Variants in LRRIQ3 observed in about 807,000 individuals in gnomAD.
The protein encoded by LRRIQ3 is leucine rich repeats and IQ motif containing 3, also known as leucine-rich repeat and IQ domain-containing protein 3.
A neutral mutation model predicts 59.3 loss-of-function variants in LRRIQ3; 75 were observed. The ratio of observed to expected loss-of-function variants is 1.26; its 90% CI spans 1.05 to 1.53. The LOEUF (loss-of-function observed/expected upper bound fraction) is 1.53. Among genes scored for constraint, LRRIQ3 ranks in the 40% most tolerant of loss-of-function variants. The pLI is 0.00. For missense variants in LRRIQ3, 831 were observed against 710.0 expected (o/e 1.17, Z -1.94); for synonymous variants, 250 against 231.3 (o/e 1.08, Z -0.73).
chr1:74,142,445 C>A (rs932230902), intron 4 of LRRIQ3, among the ~76,000 whole-genome samples: 5 of 151,934 alleles, frequency 3.3e-5, no homozygotes, highest in African/African-American at 1.2e-4. Context: ...ACACCACACC[C>A]AGTCCACTTC....
At chr1:74,099,490 G>A (rs1271076175) in intron 5 of LRRIQ3, among the ~76,000 whole-genome samples, 6 of 152,060 alleles carry the variant, frequency 3.9e-5, no homozygotes, top group Non-Finnish European at 7.4e-5. Flanking sequence ...AGAAGGAGCT[G>A]GTACCATTCC....
intron 6 of LRRIQ3, among the ~76,000 whole-genome samples, chr1:74,043,649 T>C (rs765968481): frequency 6.6e-6 from 1 of 152,104 alleles, no homozygotes; most frequent in Non-Finnish European, 1.5e-5. Flanking sequence ...TTAACACTTT[T>C]AAAAGTCTCC....
chr1:74,186,288 C>A (rs892936780), intron 1 of LRRIQ3, among the ~76,000 whole-genome samples: 2 of 151,900 alleles, frequency 1.3e-5, no homozygotes, highest in Middle Eastern at 3.2e-3. Context: ...TTATTTTAAA[C>A]CTTCTGCATT....
At chr1:74,085,868 A>G (rs1646322645) in intron 5 of LRRIQ3, among the ~76,000 whole-genome samples, 1 of 152,058 alleles carries the variant, frequency 6.6e-6, no homozygotes, top group Non-Finnish European at 1.5e-5. Flanking sequence ...CATAGGCACT[A>G]AGATCAAACA....
At chr1:74,161,565 G>A (rs1190942700) in intron 3 of LRRIQ3, among the ~76,000 whole-genome samples, 2 of 151,862 alleles carry the variant, frequency 1.3e-5, no homozygotes, top group African/African-American at 2.4e-5. Flanking sequence ...GGGGATGGGG[G>A]TAGAAGTGTT....
intron 3 of LRRIQ3, among the ~76,000 whole-genome samples, chr1:74,165,795 G>T (rs1433283976): frequency 1.3e-5 from 2 of 151,528 alleles, no homozygotes; most frequent in Non-Finnish European, 3.0e-5. Context: ...AATAGATGTT[G>T]AAATTTGTCA....
intron 3 of LRRIQ3, among the ~76,000 whole-genome samples, chr1:74,164,402 A>G (rs1360820265): frequency 6.6e-6 from 1 of 151,524 alleles, no homozygotes; most frequent in Non-Finnish European, 1.5e-5. Context: ...CACCATGTAA[A>G]GACAGGGAGA....
intron 4 of LRRIQ3, among the ~76,000 whole-genome samples, chr1:74,120,203 C>G (rs546743729): frequency 6.6e-6 from 1 of 151,480 alleles, no homozygotes; most frequent in Non-Finnish European, 1.5e-5. Context: ...CTGCAACCTC[C>G]GCCTCCTGGG....
Position 74,026,648 on chromosome 1 carries a change from A to G in LRRIQ3, c.*165T>C, listed in dbSNP as rs904077859. 33 of 578,376 alleles carry G rather than the reference A, an allele frequency of 5.7e-5. No individual in the cohort carries two copies. Among genetic ancestry groups the G allele is most frequent in the Admixed American group, 2.4e-4 (6 of 25,334 alleles). The allele number at this position is 578,376 out of a possible 1,614,324, so 35.8% of individuals were successfully genotyped here. ...GTCAACTTTAAGTTAAATTATGACC[A>G]ATAAGAGAAACATTTTAACTAATCT... On this transcript the variant is annotated 3_prime_UTR_variant, in exon 8 of 8. Transcript: ENST00000354431.
chr1:74,170,576 C>T (rs768008762), intron 3 of LRRIQ3, among the ~76,000 whole-genome samples: 8 of 151,972 alleles, frequency 5.3e-5, no homozygotes, highest in Non-Finnish European at 8.8e-5. Flanking sequence ...AGATTTGTAA[C>T]GTATTTTGAA....
chr1:74,118,500 C>G (rs930329331), intron 4 of LRRIQ3, among the ~76,000 whole-genome samples: 2 of 151,936 alleles, frequency 1.3e-5, no homozygotes, highest in African/African-American at 2.4e-5. Flanking sequence ...GTTTTGCCAC[C>G]AGAAATAAGA....
In LRRIQ3 at chr1:74,045,899, A is replaced by C. The variant is rs182032592; in HGVS notation, c.998-3966T>G. Among the ~76,000 whole-genome samples, 275 of 152,280 alleles carry C rather than the reference A, an allele frequency of 1.8e-3. 2 individuals are homozygous for C. Among genetic ancestry groups the C allele is most frequent in the African/African-American group, 6.4e-3 (265 of 41,552 alleles). On this transcript the variant is annotated intron_variant, in intron 6 of 7. Coordinates refer to ENST00000354431, the MANE Select transcript of LRRIQ3 (RefSeq NM_001105659.2). ...AAAATACCTAGGAGTACAGCTAACA[A>C]GGGATGTGAGGGACCTCTTCAAGGA... is the stretch of plus-strand genomic sequence containing the variant.
intron 4 of LRRIQ3, among the ~76,000 whole-genome samples, chr1:74,118,889 GA>G (rs747856575): frequency 6.6e-6 from 1 of 152,084 alleles, no homozygotes. Context: ...GCTTCTTCAA[GA>G]AATCTTGGTC....
intron 4 of LRRIQ3, among the ~76,000 whole-genome samples, chr1:74,129,615 C>A (rs568200104): frequency 1.3e-5 from 2 of 151,940 alleles, no homozygotes; most frequent in African/African-American, 4.8e-5. Context: ...GATGAAGTCA[C>A]CTTTTCTCTC....
rs1651363398 is a variant in LRRIQ3, at chr1:74,198,150, C to T, written c.-155G>A. ...CTCCACATCATGGTTTTCCGGGCGC[C>T]AGCCAAGGCGCTCCGGGGGCGTGGT... On this transcript the variant is annotated 5_prime_UTR_variant, in exon 1 of 8. Coordinates refer to ENST00000354431, the MANE Select transcript of LRRIQ3 (RefSeq NM_001105659.2). 4.0e-6 allele frequency: 6 copies of T among 1,497,552 alleles called. No homozygotes were observed. The highest frequency in any genetic ancestry group is 5.3e-6 in the Non-Finnish European group (6 of 1,127,354). 92.8% of individuals were successfully genotyped at this position (1,497,552 alleles called of 1,614,324 possible).
chr1:74,118,735 T>C (rs1402876029), intron 4 of LRRIQ3, among the ~76,000 whole-genome samples: 1 of 152,116 alleles, frequency 6.6e-6, no homozygotes, highest in Non-Finnish European at 1.5e-5. Context: ...TTTTAAGGAA[T>C]TGGCTCACAC....
chr1:74,041,154 C>T lies in LRRIQ3; in HGVS notation c.1718+59G>A. 2 of 1,329,068 alleles carry T rather than the reference C, an allele frequency of 1.5e-6. 1 individual carries two copies. Among genetic ancestry groups the T allele is most frequent in the South Asian group, 3.0e-5 (2 of 67,296 alleles). The allele number at this position is 1,329,068 out of a possible 1,614,324, so 82.3% of individuals were successfully genotyped here. The stretch of plus-strand genomic sequence containing the variant: ...CTAATTATTAGGTCTTAAAATTTAG[C>T]ATGCAATATTCACATGTAATTGACT... On this transcript the variant is annotated intron_variant, in intron 7 of 7. Coordinates refer to ENST00000354431, the MANE Select transcript of LRRIQ3 (RefSeq NM_001105659.2).
chr1:74,037,564 A>G (rs576458180), intron 7 of LRRIQ3, among the ~76,000 whole-genome samples: 43 of 152,312 alleles, frequency 2.8e-4, no homozygotes, highest in African/African-American at 1.0e-3. Flanking sequence ...TGGGAGGTGA[A>G]GGGTGCAGTG....
chr1:74,147,364 A>G (rs1163214629), intron 4 of LRRIQ3, among the ~76,000 whole-genome samples: 2 of 152,174 alleles, frequency 1.3e-5, no homozygotes, highest in African/African-American at 4.8e-5. Context: ...TTCTCTTTTT[A>G]TCTACTCTTT....
Sources: allele counts gnomAD v4.1 joint callset (sites outside exome capture counted in the v4.1 genomes callset), GRCh38; gene constraint gnomAD v4.1.1; transcripts MANE v1.5; gene names NCBI Gene and HGNC (gene_info 2026-07-23, HGNC 2026-07-21).